LZTS3: variants seen among roughly 807,000 people sequenced by gnomAD.
LZTS3 encodes the protein leucine zipper putative tumor suppressor 3.
In LZTS3, 16 loss-of-function variants were observed where a neutral mutation model predicts 50.9. That is an observed-to-expected ratio of 0.31 (90% CI 0.21 to 0.48). The LOEUF is 0.48. LZTS3 is among the 20% of genes least tolerant of loss of function. LZTS3 has a pLI of 0.99. For missense variants in LZTS3, 816 were observed against 931.0 expected (o/e 0.88, Z 1.61); for synonymous variants, 408 against 410.6 (o/e 0.99, Z 0.08).
At chr20:3,166,394 G>A (rs766027848) in intron 3 of LZTS3, 34 bp from the exon 4 acceptor site, 3 of 1,565,664 alleles carry the variant, frequency 1.9e-6, no homozygotes, top group South Asian at 1.2e-5. Flanking sequence ...TGGGGGTCAG[G>A]ATGAGGCCTT....
chr20:3,164,416 G>C lies in LZTS3; in HGVS notation c.*38C>G. The C allele has an allele frequency of 6.7e-7, 1 of 1,495,940 alleles. No individual in the cohort carries two copies. The highest frequency in any genetic ancestry group is 8.9e-7 in the Non-Finnish European group (1 of 1,121,524). The allele number at this position is 1,495,940 out of a possible 1,614,324, so 92.7% of individuals were successfully genotyped here. ...GGGACACTGGGGACTCTGGCCTTTTGACAGGACATGTGTCAAAATGCCGAG... is the reference window on the plus strand; with the variant it reads ...GGGACACTGGGGACTCTGGCCTTTTCACAGGACATGTGTCAAAATGCCGAG... On this transcript the variant is annotated 3_prime_UTR_variant, in exon 5 of 5. Transcript: ENST00000337576.
rs749972527 is a variant in LZTS3 at position 3,164,898 on chromosome 20, C to G, written c.1578G>C (p.Pro526=). The G allele has an allele frequency of 2.6e-6, 4 of 1,551,726 alleles. No individual in the cohort carries two copies. The East Asian group carries it at 9.5e-5, about 37-fold the overall frequency. Residue 526 remains proline (P), a synonymous_variant, in exon 5 of 5, where the codon CCG becomes CCC. Coordinates refer to ENST00000337576, the MANE Select transcript of LZTS3 (RefSeq NM_001365618.1). ...CLKPALTPVD[P]AEPQDALATC... is the part of the protein sequence containing the mutation. ...TGGCCAGAGCATCCTGTGGCTCGGC[C>G]GGGTCCACGGGGGTCAGCGCCGGCT... is the stretch of plus-strand genomic sequence containing the variant.
In LZTS3 at chr20:3,165,397, C is replaced by CCCCCCCCCT; in HGVS notation, c.1323+99_1323+100insAGGGGGGGG. The CCCCCCCCCT allele has an allele frequency of 1.7e-6, 2 of 1,173,842 alleles. No individual in the cohort carries two copies. Among genetic ancestry groups the CCCCCCCCCT allele is most frequent in the South Asian group, 3.0e-5 (2 of 66,894 alleles). 72.7% of individuals were successfully genotyped at this position (1,173,842 alleles called of 1,614,324 possible). A position where few individuals can be genotyped will look rare whatever the true frequency, so the allele number is the denominator to read the frequency against. ...TGTCCCCCCTGCTCCTTTCATCCCC[C>CCCCCCCCCT]CCCCCATCCCACCGTTATGATAGTG... On this transcript the variant is annotated intron_variant, in intron 4 of 4. Transcript: ENST00000337576. The surrounding 1 kb of genome is among the most constrained non-coding windows in gnomAD (Gnocchi z 5.0).
In LZTS3 at chr20:3,164,849, T is replaced by C; in HGVS notation, c.1627A>G (p.Met543Val). ...LATCESDEAK[M>V]RRQAGVAAAA... is the part of the protein sequence containing the mutation. ...GCGGCCACCCCGGCCTGACGGCGCA[T>C]CTTAGCCTCGTCGCTCTCGCAGGTG... The change falls in exon 5 of 5, where the codon ATG (methionine) becomes GTG (valine). Residue 543 changes from methionine to valine, a missense_variant. Around this residue, in one of 3 missense-constraint regions of LZTS3, gnomAD observed 700 missense variants for 769.4 expected, o/e 0.91. Coordinates refer to ENST00000337576, the MANE Select transcript of LZTS3 (RefSeq NM_001365618.1). The C allele has an allele frequency of 6.4e-7, 1 of 1,556,120 alleles. No homozygotes were observed. The highest frequency in any genetic ancestry group is 1.3e-5 in the African/African-American group (1 of 74,310).
chr20:3,167,522 G>T, intron 2 of LZTS3: 2 of 1,064,722 alleles, frequency 1.9e-6, no homozygotes, highest in Middle Eastern at 4.2e-4. Flanking sequence ...CAGGCTCAGT[G>T]ACCCTCTCAA....
intron 1 of LZTS3, chr20:3,168,392 G>C (rs1026606110): frequency 6.6e-6 from 1 of 152,452 alleles, no homozygotes; most frequent in African/African-American, 2.4e-5. Context: ...CGGCCCCAAG[G>C]ATCCTGCGCC....
intron 3 of LZTS3, 78 bp from the exon 4 acceptor site, chr20:3,166,438 C>T (rs895084266): frequency 6.7e-7 from 1 of 1,482,028 alleles, no homozygotes; most frequent in African/African-American, 1.4e-5. Flanking sequence ...CTGGCCAAGA[C>T]TTGTCCAGCC....
At chr20:3,167,512 C>G in intron 2 of LZTS3, 14 of 1,075,768 alleles carry the variant, frequency 1.3e-5, no homozygotes, top group Non-Finnish European at 1.6e-5. Flanking sequence ...ATGAGCTTCC[C>G]AGGCTCAGTG....
At chr20:3,170,362 G>C (rs139195535) in intron 1 of LZTS3, among the ~76,000 whole-genome samples, 1 of 150,254 alleles carries the variant, frequency 6.7e-6, no homozygotes, top group East Asian at 2.0e-4. Flanking sequence ...GTGGTGGTGC[G>C]CGCCTGTAAT....
Position 3,166,758 on chromosome 20 carries a change from GATA to G in LZTS3, c.403_405del (p.Tyr135del). 6.2e-7 allele frequency: 1 copy of G among 1,613,918 alleles called. No homozygotes were observed. Among genetic ancestry groups the G allele is most frequent in the Non-Finnish European group, 8.5e-7 (1 of 1,180,020 alleles). ...AGCTTGGGTGGGTGGCTGGGCTCAC[GATA>G]CTGCGGTGGGGCTTTGTCACTGCCA... On this transcript the variant is annotated inframe_deletion, in exon 3 of 5. Coordinates refer to ENST00000337576, the MANE Select transcript of LZTS3 (RefSeq NM_001365618.1).
intron 1 of LZTS3, among the ~76,000 whole-genome samples, chr20:3,171,832 A>C (rs2066906635): frequency 6.6e-6 from 1 of 152,162 alleles, no homozygotes; most frequent in South Asian, 2.1e-4. Context: ...CCACCCTGAG[A>C]TGACAGCCTG....
chr20:3,164,528 T>C lies in LZTS3; in HGVS notation c.1948A>G (p.Thr650Ala). 6.3e-7 allele frequency: 1 copy of C among 1,597,708 alleles called. No homozygotes were observed. The highest frequency in any genetic ancestry group is 8.5e-7 in the Non-Finnish European group (1 of 1,172,090). The change falls in exon 5 of 5, where the codon ACT (threonine) becomes GCT (alanine). Residue 650 changes from threonine to alanine, a missense_variant. Physicochemically the swap from Thr to Ala is moderately conservative, Grantham distance 58 (BLOSUM62 0). Around this residue, in one of 3 missense-constraint regions of LZTS3, gnomAD observed 107 missense variants for 130.4 expected, o/e 0.82. Transcript: ENST00000337576. ...RGAAGGASTPTPQHGEEKKAW... is the reference protein window; with the variant it reads ...RGAAGGASTPAPQHGEEKKAW... Reference sequence around the variant, plus strand: ...TTCTTCTCCTCGCCATGCTGGGGAGTGGGCGTGCTTGCACCCCCTGCGGCC... The same window carrying C: ...TTCTTCTCCTCGCCATGCTGGGGAGCGGGCGTGCTTGCACCCCCTGCGGCC...
At chr20:3,167,364 G>A (rs1459065315) in intron 2 of LZTS3, 183 bp from the exon 3 acceptor site, 17 of 1,346,360 alleles carry the variant, frequency 1.3e-5, no homozygotes, top group Non-Finnish European at 1.5e-5. Flanking sequence ...CTTGGGAATG[G>A]GGGCTGCCTG....
intron 1 of LZTS3, among the ~76,000 whole-genome samples, chr20:3,170,139 G>A (rs549895758): frequency 2.7e-4 from 41 of 152,208 alleles, no homozygotes; most frequent in African/African-American, 9.2e-4. Flanking sequence ...AGTGTGCTGC[G>A]GATTTAGGAG....
rs1161516290 is a variant in LZTS3 at position 3,164,690 on chromosome 20, C to T, written c.1786G>A (p.Ala596Thr). The T allele has an allele frequency of 1.1e-5, 17 of 1,594,084 alleles. No individual in the cohort carries two copies. The highest frequency in any genetic ancestry group is 1.4e-5 in the Non-Finnish European group (16 of 1,171,354). ...AERRARERQG[A>T]SFAEERRVWL... ...ACGCGGCGCTCCTCGGCGAAGCTGGCACCCTGGCGCTCCCGGGCCCGCCGC... is the reference window on the plus strand; with the variant it reads ...ACGCGGCGCTCCTCGGCGAAGCTGGTACCCTGGCGCTCCCGGGCCCGCCGC... The change falls in exon 5 of 5, where the codon GCC (alanine) becomes ACC (threonine). Residue 596 changes from alanine (A) to threonine (T), a missense_variant. By Grantham distance (58) the Ala-to-Thr change is moderately conservative. This residue lies in a region of LZTS3 where 107 missense variants were observed against 130.4 expected (regional missense o/e 0.82). Coordinates refer to ENST00000337576, the MANE Select transcript of LZTS3 (RefSeq NM_001365618.1).
At position 3,164,721 on chromosome 20, in the gene LZTS3, C is replaced by T. The variant is rs769519517; in HGVS notation, c.1755G>A (p.Ala585=). The stretch of plus-strand genomic sequence containing the variant: ...GGCGCTCCCGGGCCCGCCGCTCAGC[C>T]GCCAGCTCGGCCTGCAGCCGCCCCA... ...REVGRLQAEL[A]AERRARERQG... is the part of the protein sequence containing the mutation. Residue 585 remains alanine (A), a synonymous_variant, in exon 5 of 5, where the codon GCG becomes GCA. Transcript: ENST00000337576. 22 of 1,563,032 alleles carry T rather than the reference C, an allele frequency of 1.4e-5. No individual in the cohort carries two copies. The highest frequency in any genetic ancestry group is 1.8e-5 in the Non-Finnish European group (21 of 1,156,398).
Position 3,164,212 on chromosome 20 carries a change from C to T in LZTS3, c.*242G>A, listed in dbSNP as rs1336295919. 2.3e-6 allele frequency: 1 copy of T among 433,716 alleles called. No individual in the cohort carries two copies. Among genetic ancestry groups the T allele is most frequent in the Admixed American group, 4.4e-5 (1 of 22,822 alleles). The allele number at this position is 433,716 out of a possible 1,614,324, so 26.9% of individuals were successfully genotyped here. On this transcript the variant is annotated 3_prime_UTR_variant, in exon 5 of 5. Coordinates refer to ENST00000337576, the MANE Select transcript of LZTS3 (RefSeq NM_001365618.1). ...ATGACTCCCCCACCACCTAGGATTG[C>T]CCCCACTCACCCTGCCCTCCTCCTA...
Position 3,167,945 on chromosome 20 carries a change from G to T in LZTS3, c.-226C>A. On this transcript the variant is annotated 5_prime_UTR_variant, in exon 2 of 5. Transcript: ENST00000337576. ...TGGAGGGGCCGACTGAGCCATCCCG[G>T]ACTGCAGTTTTCTCCTCTGCGAAAT... is the stretch of plus-strand genomic sequence containing the variant. 1.2e-6 allele frequency: 1 copy of T among 806,796 alleles called. No homozygotes were observed. Among genetic ancestry groups the T allele is most frequent in the Non-Finnish European group, 1.5e-6 (1 of 666,856 alleles). 50.0% of individuals were successfully genotyped at this position (806,796 alleles called of 1,614,324 possible). A position where few individuals can be genotyped will look rare whatever the true frequency, so the allele number is the denominator to read the frequency against.
At position 3,163,362 on chromosome 20, in the gene LZTS3, C is replaced by G. The variant is rs1187113443; in HGVS notation, c.*1092G>C. The stretch of plus-strand genomic sequence containing the variant: ...CAAGGGCAATCACATCCAACTCTCC[C>G]CCCGCCCCCAAAACAAGGGCCTCCG... On this transcript the variant is annotated 3_prime_UTR_variant, in exon 5 of 5. Transcript: ENST00000337576. The surrounding 1 kb of genome is among the most constrained non-coding windows in gnomAD (Gnocchi z 5.2). 2.0e-5 allele frequency: 3 copies of G among 153,292 alleles called. No individual in the cohort carries two copies. The highest frequency in any genetic ancestry group is 4.4e-5 in the Non-Finnish European group (3 of 68,688). The allele number at this position is 153,292 out of a possible 1,614,324, so 9.5% of individuals were successfully genotyped here.
Sources: allele counts gnomAD v4.1 joint callset (sites outside exome capture counted in the v4.1 genomes callset), GRCh38; gene constraint gnomAD v4.1.1; regional missense constraint gnomAD v4.1.1; non-coding constraint Gnocchi (gnomAD v3.1); transcripts MANE v1.5; gene names NCBI Gene and HGNC (gene_info 2026-07-23, HGNC 2026-07-21).